NBPF10: variants seen among roughly 807,000 people sequenced by gnomAD.
NBPF10 encodes the protein NBPF family member NBPF10.
Under a neutral mutation model 77.9 loss-of-function variants are expected in NBPF10, and 63 were observed. The observed-to-expected ratio is 0.81, with a 90% confidence interval of 0.66 to 1.00. The LOEUF is 1.00. NBPF10 is among the 50% of genes least tolerant of loss of function. The probability of loss-of-function intolerance (pLI) is 0.00; values close to 1 mark genes in which losing one functional copy is unlikely to be tolerated. For missense variants in NBPF10, 522 were observed against 679.8 expected (o/e 0.77, Z 2.58); for synonymous variants, 146 against 264.5 (o/e 0.55, Z 4.35).
Position 146,085,925 on chromosome 1 carries a change from G to T in NBPF10, c.8159+239C>A, listed in dbSNP as rs1656656561. On this transcript the variant is annotated intron_variant, in intron 65 of 89. Coordinates refer to ENST00000583866, the Ensembl canonical transcript of NBPF10. ...TAAAACGTGCTCAAGTTTCCATGCA[G>T]TCGCCATGAGAATAGTTTTTGAAGT... Among the ~76,000 whole-genome samples, 2 of 17,962 alleles carry T rather than the reference G, an allele frequency of 1.1e-4. 1 individual carries two copies. Among genetic ancestry groups the T allele is most frequent in the Non-Finnish European group, 2.1e-4 (2 of 9,490 alleles). 11.8% of individuals were successfully genotyped at this position (17,962 alleles called of 152,430 possible).
chr1:146,136,103 TTG>T (rs1201490282), intron 7 of NBPF10, among the ~76,000 whole-genome samples: 1 of 150,026 alleles, frequency 6.7e-6, no homozygotes, highest in African/African-American at 2.5e-5. Flanking sequence ...TTGGTTAATT[TTG>T]TGTTATGTAA....
intron 6 of NBPF10, 96 bp from the exon 7 acceptor site, chr1:146,136,551 A>G (rs1659730553): frequency 4.1e-6 from 3 of 739,436 alleles, no homozygotes; most frequent in Admixed American, 2.5e-5. Flanking sequence ...CCCAAGGACA[A>G]AACTCTCCCC....
In NBPF10 at chr1:146,067,983, C is replaced by A. The variant is rs1553778430; in HGVS notation, c.11035+20G>T. ...GGAAGACCAGGTGGAGGCTTATCAC[C>A]TTCACAGTAAGGTACTCACTGTCCA... is the stretch of plus-strand genomic sequence containing the variant. On this transcript the variant is annotated intron_variant, in intron 88 of 89. Transcript: ENST00000583866. 2 of 556,418 alleles carry A rather than the reference C, an allele frequency of 3.6e-6. No homozygotes were observed. The highest frequency in any genetic ancestry group is 3.0e-5 in the Admixed American group (1 of 33,610). The allele number at this position is 556,418 out of a possible 1,614,324, so 34.5% of individuals were successfully genotyped here.
intron 81 of NBPF10, 27 bp from the exon 82 acceptor site, chr1:146,072,928 T>G: frequency 1.6e-5 from 2 of 125,054 alleles, no homozygotes; most frequent in Non-Finnish European, 3.0e-5. Context: ...AAGTAAAGAA[T>G]AAGTCAGGGG....
chr1:146,065,995 A>C (rs373714723), exon 90 of NBPF10: 11 of 112,494 alleles, frequency 9.8e-5, no homozygotes, highest in African/African-American at 2.3e-4. Context: ...GCAGGTATAG[A>C]AGCTCAGAGA....
intron 77 of NBPF10, among the ~76,000 whole-genome samples, chr1:146,076,302 C>CTGAGAGAGAGAG (rs1656048546): frequency 2.1e-4 from 1 of 4,842 alleles, no homozygotes; most frequent in African/African-American, 4.2e-4. Flanking sequence ...CACACACACA[C>CTGAGAGAGAGAG]AGAGAGAGAG....
At chr1:146,075,410 A>T (rs1656008527) in intron 78 of NBPF10, among the ~76,000 whole-genome samples, 1 of 1,052 alleles carries the variant, frequency 9.5e-4, no homozygotes, top group East Asian at 3.5e-3. Flanking sequence ...TTGTGCAAAC[A>T]GTTATGCCAT....
chr1:146,126,479 A>G (rs1458345669), intron 13 of NBPF10, 71 bp from the exon 14 acceptor site: 14 of 747,648 alleles, frequency 1.9e-5, no homozygotes, highest in Non-Finnish European at 2.7e-5. Context: ...GCTAGATTTC[A>G]TGGCTAACAT....
At chr1:146,121,888 G>A (rs1246786120) in intron 19 of NBPF10, among the ~76,000 whole-genome samples, 1 of 149,766 alleles carries the variant, frequency 6.7e-6, no homozygotes, top group Non-Finnish European at 1.5e-5. Context: ...GACAGAGACA[G>A]AGACAGAGAG....
At chr1:146,141,782 C>G (rs1553797433) in exon 3 of NBPF10, 1 of 1,342,778 alleles carries the variant, frequency 7.4e-7, no homozygotes, top group African/African-American at 1.4e-5. Flanking sequence ...GCTGGGTCAG[C>G]TCTCGTTCCT....
intron 88 of NBPF10, 44 bp downstream of exon 88, chr1:146,067,959 G>C (rs781834573): frequency 1.6e-6 from 1 of 615,414 alleles, no homozygotes; most frequent in Non-Finnish European, 2.9e-6. Flanking sequence ...CCCCTATCTG[G>C]AAGACCAGGT....
At chr1:146,067,919 C>G (rs10910796) in intron 88 of NBPF10, 84 bp downstream of exon 88, 1 of 707,306 alleles carries the variant, frequency 1.4e-6, no homozygotes, top group African/African-American at 1.8e-5. Flanking sequence ...TCTCTCGGGT[C>G]AGCAAGGGCC....
At chr1:146,126,285 G>C in exon 14 of NBPF10, 1 of 1,605,696 alleles carries the variant, frequency 6.2e-7, no homozygotes, top group East Asian at 2.2e-5. Context: ...ATATGTAAAA[G>C]GCACTTCTGT....
chr1:146,067,116 T>C (rs1445152902), intron 89 of NBPF10, 64 bp downstream of exon 89: 5 of 624,478 alleles, frequency 8.0e-6, no homozygotes, highest in Middle Eastern at 4.2e-4. Context: ...CACTCTGGTT[T>C]CCCTGAATCT....
intron 13 of NBPF10, 35 bp from the exon 14 acceptor site, chr1:146,126,443 G>C (rs1553790034): frequency 2.2e-6 from 2 of 907,134 alleles, no homozygotes; most frequent in African/African-American, 1.7e-5. Flanking sequence ...AATAAGCCAG[G>C]GGGAATCAGA....
intron 13 of NBPF10, among the ~76,000 whole-genome samples, chr1:146,126,746 T>C (rs1191994373): frequency 6.9e-5 from 10 of 144,374 alleles, no homozygotes; most frequent in Admixed American, 5.6e-4. Context: ...AAGCATGTCC[T>C]CAATAATTTT....
intron 88 of NBPF10, among the ~76,000 whole-genome samples, chr1:146,067,761 T>C (rs868977209): frequency 6.0e-5 from 9 of 151,164 alleles, no homozygotes; most frequent in African/African-American, 2.2e-4. Context: ...TCCAATGTCA[T>C]GAGAATAGGA....
intron 2 of NBPF10, among the ~76,000 whole-genome samples, chr1:146,142,272 T>C (rs1292126004): frequency 8.8e-6 from 1 of 113,252 alleles, no homozygotes; most frequent in African/African-American, 3.0e-5. Flanking sequence ...CAACATTGAT[T>C]GAGTGAAAGA....
At chr1:146,136,041 G>A (rs1326166141) in intron 7 of NBPF10, among the ~76,000 whole-genome samples, 1 of 148,866 alleles carries the variant, frequency 6.7e-6, no homozygotes, top group East Asian at 2.0e-4. Flanking sequence ...GTGGGGTGGT[G>A]ATGGCACACC....
Sources: allele counts gnomAD v4.1 joint callset (sites outside exome capture counted in the v4.1 genomes callset), GRCh38; gene constraint gnomAD v4.1.1; transcripts MANE v1.5; gene names NCBI Gene and HGNC (gene_info 2026-07-23, HGNC 2026-07-21).